The following SACM1L variants were observed in gnomAD, a reference collection of about 807,000 sequenced individuals.
SACM1L encodes SAC1 like phosphatidylinositide phosphatase.
A neutral mutation model predicts 89.5 loss-of-function variants in SACM1L; 32 were observed. The ratio of observed to expected loss-of-function variants is 0.36; its 90% CI spans 0.27 to 0.48. SACM1L has a LOEUF of 0.48. SACM1L is among the 20% of genes least tolerant of loss of function. The pLI is 0.99. For missense variants in SACM1L, 543 were observed against 708.5 expected (o/e 0.77, Z 2.65); for synonymous variants, 213 against 232.8 (o/e 0.92, Z 0.77).
chr3:45,723,965 G>GACAC (rs139247863), intron 11 of SACM1L, among the ~76,000 whole-genome samples: 23,511 of 149,530 alleles, frequency 0.16, 1,948 homozygotes, highest in African/African-American at 0.21. Context: ...CACACACACA[G>GACAC]ACACACACAC....
At chr3:45,721,924 A>C in intron 8 of SACM1L, 76 bp from the exon 9 acceptor site, 2 of 943,738 alleles carry the variant, frequency 2.1e-6, no homozygotes, top group Non-Finnish European at 3.3e-6. Context: ...TCTCCAAGTT[A>C]ACCTGAATTA....
intron 1 of SACM1L, among the ~76,000 whole-genome samples, chr3:45,697,838 A>G (rs1222478081): frequency 2.0e-5 from 3 of 152,220 alleles, no homozygotes; most frequent in Non-Finnish European, 4.4e-5. Flanking sequence ...GATAGTTTAT[A>G]TAGGACCAGA....
intron 1 of SACM1L, among the ~76,000 whole-genome samples, chr3:45,700,378 A>T (rs1164605110): frequency 6.6e-6 from 1 of 152,216 alleles, no homozygotes; most frequent in African/African-American, 2.4e-5. Context: ...AAGCCCATGG[A>T]CTTCACTCTG....
intron 7 of SACM1L, 30 bp from the exon 8 acceptor site, chr3:45,719,470 A>T: frequency 4.1e-6 from 5 of 1,225,178 alleles, no homozygotes; most frequent in Non-Finnish European, 5.9e-6. Flanking sequence ...GATTTCTATT[A>T]TATGTTATAT....
chr3:45,692,961 ATATGT>A (rs1698031536), intron 1 of SACM1L, among the ~76,000 whole-genome samples: 1 of 152,218 alleles, frequency 6.6e-6, no homozygotes, highest in Non-Finnish European at 1.5e-5. Flanking sequence ...TATGTTAGAA[ATATGT>A]TAGGCAACTT....
chr3:45,705,121 C>A lies in SACM1L; in HGVS notation c.131-14C>A. On this transcript the variant is annotated splice_polypyrimidine_tract_variant and intron_variant, in intron 2 of 19. Transcript: ENST00000389061. ...TTTTGTATGTGATTTTTCTTTCTTT[C>A]CTTTCTTTTAAAGTCAAGAAAGATG... The A allele has an allele frequency of 6.4e-7, 1 of 1,562,476 alleles. No individual in the cohort carries two copies. Among genetic ancestry groups the A allele is most frequent in the Non-Finnish European group, 8.7e-7 (1 of 1,144,894 alleles).
intron 11 of SACM1L, among the ~76,000 whole-genome samples, chr3:45,725,141 C>G (rs1698888507): frequency 6.6e-6 from 1 of 152,120 alleles, no homozygotes; most frequent in African/African-American, 2.4e-5. Flanking sequence ...CTTCCTTCTC[C>G]TTTTGCAAGA....
chr3:45,720,631 A>G (rs1349802746), intron 8 of SACM1L, among the ~76,000 whole-genome samples: 1 of 151,680 alleles, frequency 6.6e-6, no homozygotes, highest in Admixed American at 6.6e-5. Flanking sequence ...TCTTTCTTTC[A>G]TACACACAAA....
chr3:45,736,741 T>C (rs1699206758), intron 14 of SACM1L, among the ~76,000 whole-genome samples: 1 of 152,204 alleles, frequency 6.6e-6, no homozygotes, highest in Non-Finnish European at 1.5e-5. Flanking sequence ...TTACATGCTA[T>C]ATATAGTATT....
chr3:45,712,059 T>C (rs540523295), intron 5 of SACM1L, among the ~76,000 whole-genome samples: 25 of 152,298 alleles, frequency 1.6e-4, no homozygotes, highest in African/African-American at 6.0e-4. Flanking sequence ...AATGATGAAA[T>C]AATAATAAGT....
chr3:45,689,807 T>C, intron 1 of SACM1L: 1 of 545,132 alleles, frequency 1.8e-6, no homozygotes, highest in South Asian at 2.4e-5. Context: ...GGCACGCTTG[T>C]CCCCACTTTC....
intron 11 of SACM1L, among the ~76,000 whole-genome samples, chr3:45,729,252 A>C (rs934025164): frequency 8.8e-6 from 1 of 113,906 alleles, no homozygotes; most frequent in Non-Finnish European, 1.8e-5. Flanking sequence ...ACACCCAGCT[A>C]ATTTTTTTAT....
rs538416694 is a variant in SACM1L, at chr3:45,720,889, T to A, written c.680-1111T>A. Among the ~76,000 whole-genome samples the A allele has an allele frequency of 5.3e-5, 8 of 152,364 alleles. No homozygotes were observed. In the South Asian group the frequency reaches 1.7e-3, roughly 32 times the overall value. On this transcript the variant is annotated intron_variant, in intron 8 of 19. Transcript: ENST00000389061. ...TATGTAAGAAATATGTCAGAAAGGA[T>A]GTTAGGAAATACTTGGCACAGTTAA...
chr3:45,723,404 A>G (rs1207900441), intron 10 of SACM1L, 71 bp from the exon 11 acceptor site: 1 of 568,876 alleles, frequency 1.8e-6, no homozygotes, highest in Non-Finnish European at 2.6e-6. Context: ...TAAAAATATT[A>G]TAAATATTTA....
chr3:45,689,885 C>A, intron 1 of SACM1L: 1 of 282,720 alleles, frequency 3.5e-6, no homozygotes, highest in Non-Finnish European at 6.7e-6. Context: ...TCTTACTTAA[C>A]GGACCTACAG....
At chr3:45,689,780 A>T in intron 1 of SACM1L, 2 of 579,436 alleles carry the variant, frequency 3.5e-6, no homozygotes, top group Admixed American at 6.0e-5. Context: ...GGTCGGCGTT[A>T]TGATGCGGCC....
intron 19 of SACM1L, among the ~76,000 whole-genome samples, chr3:45,743,287 C>T (rs1418424424): frequency 6.6e-6 from 1 of 152,216 alleles, no homozygotes; most frequent in African/African-American, 2.4e-5. Context: ...CACCTGGGTA[C>T]TAGGAACTTG....
At chr3:45,699,119 G>A (rs2125682940) in intron 1 of SACM1L, among the ~76,000 whole-genome samples, 1 of 152,132 alleles carries the variant, frequency 6.6e-6, no homozygotes, top group South Asian at 2.1e-4. Context: ...TATGTATACG[G>A]TTTAAAAGTA....
At chr3:45,708,007 A>G (rs563869961) in intron 4 of SACM1L, among the ~76,000 whole-genome samples, 2 of 152,276 alleles carry the variant, frequency 1.3e-5, no homozygotes, top group African/African-American at 4.8e-5. Flanking sequence ...TACTATATAT[A>G]ACTTACAAGT....
Sources: gnomAD v4.1 joint callset for allele counts (sites outside exome capture counted in the v4.1 genomes callset) on GRCh38, gnomAD v4.1.1 for gene constraint, MANE v1.5 for transcripts, NCBI Gene and HGNC (gene_info 2026-07-23, HGNC 2026-07-21) for gene names.